ADAM17: variants seen among roughly 807,000 people sequenced by gnomAD.
ADAM17 encodes the protein ADAM metallopeptidase domain 17, also known as disintegrin and metalloproteinase domain-containing protein 17.
In ADAM17, 39 loss-of-function variants were observed where a neutral mutation model predicts 96.7. The ratio of observed to expected loss-of-function variants is 0.40; its 90% confidence interval spans 0.31 to 0.53. The LOEUF (loss-of-function observed/expected upper bound fraction) is 0.53, where lower values mean the gene tolerates loss of function less well. Among genes scored for constraint, ADAM17 ranks in the 20% least tolerant of loss-of-function variants. The pLI is 0.44. For synonymous variants in ADAM17, 344 were observed against 359.2 expected (o/e 0.96, Z 0.48); for missense variants, 777 against 1,013.2 (o/e 0.77, Z 3.17).
chr2:9,490,726 A>G (rs1662063805), intron 18 of ADAM17, among the ~76,000 whole-genome samples: 1 of 152,218 alleles, frequency 6.6e-6, no homozygotes, highest in African/African-American at 2.4e-5. Flanking sequence ...TTAATGGCAA[A>G]AACAGTAATT....
Position 9,490,076 on chromosome 2 carries a change from A to T in ADAM17, c.*101T>A. ...TCAAACACATGACCAGCATCTGCTA[A>T]GTCACTTCCCAGTCTTCACAAAATA... On this transcript the variant is annotated 3_prime_UTR_variant, in exon 19 of 19. Coordinates refer to ENST00000310823, the MANE Select transcript of ADAM17 (RefSeq NM_003183.6). 8.8e-7 allele frequency: 1 copy of T among 1,133,332 alleles called. No homozygotes were observed. The highest frequency in any genetic ancestry group is 1.2e-6 in the Non-Finnish European group (1 of 812,264). 70.2% of individuals were successfully genotyped at this position (1,133,332 alleles called of 1,614,324 possible).
In ADAM17 at chr2:9,517,884, G is replaced by C. The variant is rs1421492932; in HGVS notation, c.1191+17C>G. On this transcript the variant is annotated intron_variant, in intron 10 of 18. Transcript: ENST00000310823. ...AATAAACTCTAACACTATTCTTTTA[G>C]AAATAAAAGAACATACCTTTGTAAG... 1.3e-6 allele frequency: 2 copies of C among 1,503,500 alleles called. No homozygotes were observed. Among genetic ancestry groups the C allele is most frequent in the East Asian group, 2.3e-5 (1 of 43,088 alleles). The allele number at this position is 1,503,500 out of a possible 1,614,324, so 93.1% of individuals were successfully genotyped here. A position where few individuals can be genotyped will look rare whatever the true frequency, so the allele number is the denominator to read the frequency against.
At chr2:9,548,073 C>CAA (rs111663328) in intron 1 of ADAM17, among the ~76,000 whole-genome samples, 4 of 124,190 alleles carry the variant, frequency 3.2e-5, no homozygotes, top group Non-Finnish European at 5.2e-5. Flanking sequence ...TCTCAAAATC[C>CAA]AAAAAAAAAA....
At chr2:9,512,834 C>G (rs1380813101) in intron 10 of ADAM17, among the ~76,000 whole-genome samples, 1 of 152,030 alleles carries the variant, frequency 6.6e-6, no homozygotes, top group Non-Finnish European at 1.5e-5. Context: ...CAGAGAGCTT[C>G]CAGAGAGCAT....
In ADAM17 at chr2:9,513,947, G is replaced by A. The variant is rs1176085157; in HGVS notation, c.1192-3816C>T. Among the ~76,000 whole-genome samples the A allele has an allele frequency of 2.0e-5, 3 of 149,668 alleles. No individual in the cohort carries two copies. In the East Asian group the frequency reaches 5.9e-4, roughly 29 times the overall value. Reference sequence around the variant, plus strand: ...AATTGCTTGAATCCGGGAGGCGGAGGTTGCAGTGAGCCAAGATCACACCAT... The same window carrying A: ...AATTGCTTGAATCCGGGAGGCGGAGATTGCAGTGAGCCAAGATCACACCAT... On this transcript the variant is annotated intron_variant, in intron 10 of 18. Transcript: ENST00000310823.
intron 11 of ADAM17, among the ~76,000 whole-genome samples, chr2:9,509,678 C>A (rs1030433769): frequency 6.6e-6 from 1 of 152,080 alleles, no homozygotes; most frequent in African/African-American, 2.4e-5. Context: ...AACATAAAGC[C>A]TGAGCCCACC....
At chr2:9,548,535 T>G (rs958856454) in intron 1 of ADAM17, among the ~76,000 whole-genome samples, 1 of 150,886 alleles carries the variant, frequency 6.6e-6, no homozygotes, top group South Asian at 2.1e-4. Flanking sequence ...CAGGAGACAA[T>G]TGCATGCTGA....
At chr2:9,553,052 T>C (rs183971784) in intron 1 of ADAM17, among the ~76,000 whole-genome samples, 173 of 152,240 alleles carry the variant, frequency 1.1e-3, no homozygotes, top group African/African-American at 3.9e-3. Context: ...AATTATATTG[T>C]AAGCTGTCAA....
chr2:9,527,875 C>G lies in ADAM17; in HGVS notation c.530G>C (p.Arg177Pro). ...YKSEDIKNVSRLQSPKVCGYL... is the reference protein window; with the variant it reads ...YKSEDIKNVSPLQSPKVCGYL... Reference sequence around the variant, plus strand: ...ACCACACACTTTTGGAGACTGCAAACGTGAAACATTCTTGATATCTTCAGA... The same window carrying G: ...ACCACACACTTTTGGAGACTGCAAAGGTGAAACATTCTTGATATCTTCAGA... Residue 177 changes from arginine (R) to proline (P), a missense_variant, in exon 5 of 19, where the codon CGT becomes CCT. By Grantham distance (103) the Arg-to-Pro change is moderately radical. Transcript: ENST00000310823. The G allele has an allele frequency of 6.2e-7, 1 of 1,600,290 alleles. No individual in the cohort carries two copies. The highest frequency in any genetic ancestry group is 8.5e-7 in the Non-Finnish European group (1 of 1,171,756).
At chr2:9,522,249 T>C in intron 7 of ADAM17, 1 of 404,960 alleles carries the variant, frequency 2.5e-6, no homozygotes, top group Non-Finnish European at 4.4e-6. Context: ...GTGTACTGCA[T>C]AGCACCGTTG....
chr2:9,526,361 A>G, intron 5 of ADAM17, 117 bp from the exon 6 acceptor site: 1 of 1,066,118 alleles, frequency 9.4e-7, no homozygotes, highest in Non-Finnish European at 1.3e-6. Context: ...TAATATCACT[A>G]AAGGATTCTG....
chr2:9,502,536 T>G (rs1303270044), intron 12 of ADAM17, among the ~76,000 whole-genome samples: 1 of 152,114 alleles, frequency 6.6e-6, no homozygotes, highest in Non-Finnish European at 1.5e-5. Context: ...GTGAAACATC[T>G]TGGTGCCCTT....
chr2:9,534,771 C>T (rs149574909), intron 4 of ADAM17, among the ~76,000 whole-genome samples: 31 of 152,052 alleles, frequency 2.0e-4, no homozygotes, highest in Non-Finnish European at 4.4e-4. Flanking sequence ...TGTCCAAGTA[C>T]AGATAATCTA....
chr2:9,506,733 A>C (rs1205115377), intron 11 of ADAM17: 1 of 152,222 alleles, frequency 6.6e-6, no homozygotes, highest in Non-Finnish European at 1.5e-5. Flanking sequence ...GGCAGTTGTC[A>C]TTTTGGTGGG....
intron 15 of ADAM17, among the ~76,000 whole-genome samples, chr2:9,494,119 C>A (rs568773002): frequency 6.6e-6 from 1 of 152,162 alleles, no homozygotes; most frequent in East Asian, 1.9e-4. Context: ...TCTACACATA[C>A]ACAGTGGACA....
intron 6 of ADAM17, among the ~76,000 whole-genome samples, chr2:9,523,627 C>T (rs897097680): frequency 6.6e-6 from 1 of 152,146 alleles, no homozygotes; most frequent in African/African-American, 2.4e-5. Context: ...TTTTTTAAAA[C>T]TACCGTTTCA....
At chr2:9,536,609 T>A in intron 3 of ADAM17, 89 bp downstream of exon 3, 1 of 1,561,570 alleles carries the variant, frequency 6.4e-7, no homozygotes, top group Non-Finnish European at 8.7e-7. Context: ...GTCCCCACTA[T>A]CCTGCACCAG....
At chr2:9,497,647 T>C (rs1456952150) in intron 13 of ADAM17, among the ~76,000 whole-genome samples, 1 of 152,234 alleles carries the variant, frequency 6.6e-6, no homozygotes, top group East Asian at 1.9e-4. Context: ...CACAGCCCAC[T>C]GCTTTGGCTA....
chr2:9,495,860 CTT>C (rs34087915), intron 14 of ADAM17, among the ~76,000 whole-genome samples: 64 of 138,624 alleles, frequency 4.6e-4, no homozygotes, highest in Admixed American at 9.3e-4. Context: ...TACGTGTTAC[CTT>C]TTTTTTTTTT....
Sources: allele counts gnomAD v4.1 joint callset (sites outside exome capture counted in the v4.1 genomes callset), GRCh38; gene constraint gnomAD v4.1.1; transcripts MANE v1.5; gene names NCBI Gene and HGNC (gene_info 2026-07-23, HGNC 2026-07-21).